Variants in SPTB observed in about 807,000 individuals in gnomAD.
The protein encoded by SPTB is spectrin beta, erythrocytic.
In SPTB, 45 loss-of-function variants were observed where a neutral mutation model predicts 256.2. That is an observed-to-expected ratio of 0.18 (90% confidence interval 0.14 to 0.23). SPTB has a LOEUF of 0.23. Among genes scored for constraint, SPTB ranks in the 10% least tolerant of loss-of-function variants. The pLI is 1.00. For missense variants in SPTB, 2,715 were observed against 3,040.4 expected, an observed-to-expected ratio of 0.89 and a Z score of 2.52; for synonymous variants, 1,231 against 1,243.1, an observed-to-expected ratio of 0.99 and a Z score of 0.21.
At position 64,779,328 on chromosome 14, in the gene SPTB, C is replaced by A. The variant is rs891057962; in HGVS notation, c.4474-82G>T. On this transcript the variant is annotated intron_variant, in intron 21 of 35. Coordinates refer to ENST00000644917, the MANE Select transcript of SPTB (RefSeq NM_001355436.2). The surrounding 1 kb of genome is among the most constrained non-coding windows in gnomAD (Gnocchi z 4.2). ...AGTGCTCACCATGGGCGGCGCAGAG[C>A]TTTGCTGGCAGTGTCTCCCCAGTTC... The A allele has an allele frequency of 1.6e-5, 19 of 1,165,018 alleles. No individual in the cohort carries two copies. The highest frequency in any genetic ancestry group is 2.1e-5 in the Non-Finnish European group (17 of 793,380). The allele number at this position is 1,165,018 out of a possible 1,614,324, so 72.2% of individuals were successfully genotyped here. A position where few individuals can be genotyped will look rare whatever the true frequency, so the allele number is the denominator to read the frequency against.
chr14:64,872,562 C>T (rs1882592336), intron 1 of SPTB, among the ~76,000 whole-genome samples: 1 of 152,216 alleles, frequency 6.6e-6, no homozygotes, highest in Non-Finnish European at 1.5e-5. Flanking sequence ...CTTTTCTCTC[C>T]AGCACTGTGG....
chr14:64,763,723 G>T (rs1431021897), intron 32 of SPTB: 1 of 518,804 alleles, frequency 1.9e-6, no homozygotes, highest in East Asian at 5.5e-5. Flanking sequence ...CGTGAGTGAG[G>T]TCTTGTTTCT....
Position 64,807,713 on chromosome 14 carries a change from C to T in SPTB, c.149-2623G>A, listed in dbSNP as rs113679993. On this transcript the variant is annotated intron_variant, in intron 2 of 35. Coordinates refer to ENST00000644917, the MANE Select transcript of SPTB (RefSeq NM_001355436.2). This position sits in a 1 kb window ranked among gnomAD's most constrained non-coding sequence, Gnocchi z 4.7. Reference sequence around the variant, plus strand: ...GCTCAGCACATTCACTCCCGCACAGCCCAGATGCTCATCCCAAGCCTTCCA... The same window carrying T: ...GCTCAGCACATTCACTCCCGCACAGTCCAGATGCTCATCCCAAGCCTTCCA... 3.0e-3 allele frequency among the ~76,000 whole-genome samples: 461 copies of T among 152,368 alleles called. 4 individuals are homozygous for T. Among genetic ancestry groups the T allele is most frequent in the African/African-American group, 0.011 (451 of 41,582 alleles).
chr14:64,763,850 TGAGA>T (rs753091021), intron 32 of SPTB: 2 of 518,804 alleles, frequency 3.9e-6, no homozygotes, highest in African/African-American at 1.9e-5. Context: ...GTGATGTGCT[TGAGA>T]AAGAGGCTGA....
At chr14:64,863,480 C>T (rs1881977515) in intron 1 of SPTB, among the ~76,000 whole-genome samples, 1 of 152,216 alleles carries the variant, frequency 6.6e-6, no homozygotes, top group Non-Finnish European at 1.5e-5. Context: ...TACCTGGCTC[C>T]ACTTTGTGTC....
At chr14:64,791,132 T>C (rs1404765025) in intron 15 of SPTB, among the ~76,000 whole-genome samples, 1 of 152,052 alleles carries the variant, frequency 6.6e-6, no homozygotes, top group African/African-American at 2.4e-5. Context: ...CCATCACACA[T>C]ACACACCCAC....
chr14:64,763,075 G>A (rs1477940508), intron 32 of SPTB, among the ~76,000 whole-genome samples: 2 of 152,190 alleles, frequency 1.3e-5, no homozygotes, highest in South Asian at 2.1e-4. Context: ...AGCCTGGGGG[G>A]ACTTGCAGCA....
Position 64,775,275 on chromosome 14 carries a change from G to A in SPTB, c.4692C>T (p.Ser1564=). ...DLEERLGHLQ[S]SWDRLREAAA... ...CTGCCTCCCGCAGCCTGTCCCAGGA[G>A]CTCTGCAGGTGCCCCAGGCGCTCCT... The change falls in exon 23 of 36, where the codon AGC becomes AGT. Residue 1564 remains serine (S), a synonymous_variant. Coordinates refer to ENST00000644917, the MANE Select transcript of SPTB (RefSeq NM_001355436.2). This position sits in a 1 kb window ranked among gnomAD's most constrained non-coding sequence, Gnocchi z 5.0. The A allele has an allele frequency of 6.2e-7, 1 of 1,613,626 alleles. No homozygotes were observed. Among genetic ancestry groups the A allele is most frequent in the South Asian group, 1.1e-5 (1 of 91,066 alleles).
chr14:64,872,812 T>C (rs1882614077), intron 1 of SPTB, among the ~76,000 whole-genome samples: 1 of 152,258 alleles, frequency 6.6e-6, no homozygotes, highest in African/African-American at 2.4e-5. Flanking sequence ...AGTGAAGAAG[T>C]CTCATGAGAT....
At position 64,806,903 on chromosome 14, in the gene SPTB, C is replaced by G. The variant is rs767947672; in HGVS notation, c.149-1813G>C. Reference sequence around the variant, plus strand: ...ATCCTAAATACATGTAAAATTTAAACGGCATTCATTTATTCTGGGCCTCTG... The same window carrying G: ...ATCCTAAATACATGTAAAATTTAAAGGGCATTCATTTATTCTGGGCCTCTG... On this transcript the variant is annotated intron_variant, in intron 2 of 35. Transcript: ENST00000644917. The surrounding 1 kb of genome is among the most constrained non-coding windows in gnomAD (Gnocchi z 4.1). Among the ~76,000 whole-genome samples, 25 of 152,294 alleles carry G rather than the reference C, an allele frequency of 1.6e-4. No individual in the cohort carries two copies. The highest frequency in any genetic ancestry group is 3.1e-4 in the Non-Finnish European group (21 of 68,022).
rs1216845588 is a variant in SPTB, at chr14:64,778,989, T to A, written c.4563+168A>T. Among the ~76,000 whole-genome samples, 1 of 152,080 alleles carries A rather than the reference T, an allele frequency of 6.6e-6. No homozygotes were observed. Among genetic ancestry groups the A allele is most frequent in the African/African-American group, 2.4e-5 (1 of 41,392 alleles). On this transcript the variant is annotated intron_variant, in intron 22 of 35. Transcript: ENST00000644917. This position sits in a 1 kb window ranked among gnomAD's most constrained non-coding sequence, Gnocchi z 5.2. ...TTGCTCTGTAATCACAAAAACCTGC[T>A]CTTTCTGCTATAAGATTACCAATAC...
intron 32 of SPTB, chr14:64,753,994 C>T (rs1261127436): frequency 1.4e-6 from 1 of 692,544 alleles, no homozygotes; most frequent in Non-Finnish European, 2.5e-6. Flanking sequence ...GCCTGTGCTT[C>T]TGGCTCCATT....
At chr14:64,791,461 G>A (rs1443954682) in intron 15 of SPTB, among the ~76,000 whole-genome samples, 3 of 151,172 alleles carry the variant, frequency 2.0e-5, no homozygotes, top group Non-Finnish European at 4.4e-5. Context: ...AGCTACTTGG[G>A]AGGCTGAGGA....
chr14:64,875,807 T>C (rs1882796463), intron 1 of SPTB, among the ~76,000 whole-genome samples: 1 of 152,244 alleles, frequency 6.6e-6, no homozygotes. Flanking sequence ...CCAGTCCTCA[T>C]TATATAATCA....
Position 64,817,750 on chromosome 14 carries a change from C to T in SPTB, c.148+5197G>A, listed in dbSNP as rs979488429. On this transcript the variant is annotated intron_variant, in intron 2 of 35. Coordinates refer to ENST00000644917, the MANE Select transcript of SPTB (RefSeq NM_001355436.2). ...GGAGAGGCCAAACATGTCCTGAGGA[C>T]ACTCTCAGGGCCCTTCAGCAGCAGA... Among the ~76,000 whole-genome samples, 11 of 152,238 alleles carry T rather than the reference C, an allele frequency of 7.2e-5. 1 individual carries two copies. The highest frequency in any genetic ancestry group is 2.4e-4 in the African/African-American group (10 of 41,468).
chr14:64,837,135 G>C (rs1004578243), intron 1 of SPTB, among the ~76,000 whole-genome samples: 6 of 152,222 alleles, frequency 3.9e-5, no homozygotes, highest in Admixed American at 6.5e-5. Flanking sequence ...GCTGTCCAAG[G>C]TTAAAGAAAG....
Position 64,816,115 on chromosome 14 carries a change from C to A in SPTB, c.148+6832G>T, listed in dbSNP as rs999137606. Among the ~76,000 whole-genome samples the A allele has an allele frequency of 2.6e-5, 4 of 152,170 alleles. No homozygotes were observed. The highest frequency in any genetic ancestry group is 9.7e-5 in the African/African-American group (4 of 41,432). On this transcript the variant is annotated intron_variant, in intron 2 of 35. Coordinates refer to ENST00000644917, the MANE Select transcript of SPTB (RefSeq NM_001355436.2). This position sits in a 1 kb window ranked among gnomAD's most constrained non-coding sequence, Gnocchi z 4.2. The stretch of plus-strand genomic sequence containing the variant: ...CCTAAAAACCCAAATCTAACCGTGT[C>A]ATTTCCCTGCTGAAAGTACTTTGAT...
rs767479702 is a variant in SPTB, at chr14:64,785,886, C to T, written c.3627G>A (p.Lys1209=). The T allele has an allele frequency of 1.4e-5, 22 of 1,614,168 alleles. No individual in the cohort carries two copies. The South Asian group carries it at 2.2e-4, about 16-fold the overall frequency. ...CCATAGACCCCAAGAAATCCTCAAA[C>T]TTCCGGATCCCAGCCTCTGCAGCTT... is the stretch of plus-strand genomic sequence containing the variant. ...SLEAAEAGIR[K]FEDFLGSMEN... The change falls in exon 17 of 36, where the codon AAG becomes AAA. Residue 1209 remains lysine, a synonymous_variant. Coordinates refer to ENST00000644917, the MANE Select transcript of SPTB (RefSeq NM_001355436.2). The surrounding 1 kb of genome is among the most constrained non-coding windows in gnomAD (Gnocchi z 4.4).
chr14:64,772,931 G>A lies in SPTB; in HGVS notation c.5202C>T (p.Asp1734=). 1.2e-6 allele frequency: 2 copies of A among 1,603,608 alleles called. No individual in the cohort carries two copies. The highest frequency in any genetic ancestry group is 1.7e-6 in the Non-Finnish European group (2 of 1,174,344). Residue 1734 remains aspartate (D), a synonymous_variant, in exon 26 of 36, where the codon GAC becomes GAT. Transcript: ENST00000644917. This position sits in a 1 kb window ranked among gnomAD's most constrained non-coding sequence, Gnocchi z 5.4. The part of the protein sequence containing the change: ...HVTLLRDKFR[D]FARETGAIGQ... ...CAATCGCCCCGGTCTCCCGGGCAAAGTCCCGGAACTTGTCCCGCAGAAGCT... is the reference window on the plus strand; with the variant it reads ...CAATCGCCCCGGTCTCCCGGGCAAAATCCCGGAACTTGTCCCGCAGAAGCT...
Sources: allele counts gnomAD v4.1 joint callset (sites outside exome capture counted in the v4.1 genomes callset), GRCh38; gene constraint gnomAD v4.1.1; non-coding constraint Gnocchi (gnomAD v3.1); transcripts MANE v1.5; gene names NCBI Gene and HGNC (gene_info 2026-07-23, HGNC 2026-07-21).